Variants in SPATA1 observed in about 807,000 individuals in gnomAD.
The protein encoded by SPATA1 is spermatogenesis-associated protein 1.
Under a neutral mutation model 59.6 loss-of-function variants are expected in SPATA1, and 57 were observed. The observed-to-expected ratio is 0.96, with a 90% CI of 0.77 to 1.19. SPATA1 has a LOEUF of 1.19. SPATA1 is among the 50% of genes most tolerant of loss of function. The pLI is 0.00. For synonymous variants in SPATA1, 147 were observed against 163.9 expected (o/e 0.90, Z 0.79); for missense variants, 448 against 480.7 (o/e 0.93, Z 0.64).
At chr1:84,527,834 A>G (rs1051384888) in intron 6 of SPATA1, among the ~76,000 whole-genome samples, 2 of 152,152 alleles carry the variant, frequency 1.3e-5, no homozygotes, top group African/African-American at 4.8e-5. Flanking sequence ...GGTTCAAGCA[A>G]ATCTCCTGCC....
At chr1:84,536,688 C>T (rs988807900) in intron 8 of SPATA1, among the ~76,000 whole-genome samples, 1 of 152,094 alleles carries the variant, frequency 6.6e-6, no homozygotes, top group East Asian at 1.9e-4. Flanking sequence ...TCGTGATCCG[C>T]CCGCCTCGGC....
At chr1:84,512,074 G>C (rs1203679750) in intron 1 of SPATA1, among the ~76,000 whole-genome samples, 1 of 152,150 alleles carries the variant, frequency 6.6e-6, no homozygotes, top group Non-Finnish European at 1.5e-5. Context: ...ACCAGATAAA[G>C]CAGAACTCCC....
At chr1:84,526,020 C>T (rs1178051404) in exon 6 of SPATA1, 1 of 1,613,134 alleles carries the variant, frequency 6.2e-7, no homozygotes, top group Non-Finnish European at 8.5e-7. Flanking sequence ...GGAAGAGATC[C>T]CAGTTTGTTA....
rs1683208549 is a variant in SPATA1 at position 84,526,029 on chromosome 1, T to A, written c.500T>A (p.Leu167Ter). ...GAACTTGGAAGAGATCCCAGTTTGT[T>A]AGAAAACACTTTGAAAGAGCTTCCT... Residue 167 changes from leucine (L) to a stop codon, truncating the protein, a stop_gained, in exon 6 of 13, where the codon TTA becomes TAA. Coordinates refer to ENST00000490879, the Ensembl canonical transcript of SPATA1. LOFTEE classifies it high-confidence loss of function. The A allele has an allele frequency of 2.5e-6, 4 of 1,612,876 alleles. No homozygotes were observed. The highest frequency in any genetic ancestry group is 1.7e-6 in the Non-Finnish European group (2 of 1,179,400).
intron 6 of SPATA1, among the ~76,000 whole-genome samples, chr1:84,530,336 T>C (rs916894685): frequency 2.0e-5 from 3 of 152,114 alleles, no homozygotes; most frequent in African/African-American, 7.2e-5. Context: ...GTGGGGTTAG[T>C]TCAGTAATTT....
chr1:84,541,407 C>T (rs1373118929), intron 8 of SPATA1, among the ~76,000 whole-genome samples: 2 of 151,258 alleles, frequency 1.3e-5, no homozygotes, highest in African/African-American at 4.9e-5. Context: ...CCATTTTACT[C>T]TTTTCATTAT....
chr1:84,537,157 C>T (rs757294278), intron 8 of SPATA1, among the ~76,000 whole-genome samples: 9 of 151,956 alleles, frequency 5.9e-5, no homozygotes, highest in Non-Finnish European at 1.3e-4. Flanking sequence ...AAATTACAGG[C>T]GTGAGCCACC....
chr1:84,524,437 T>C (rs750266616), intron 4 of SPATA1, among the ~76,000 whole-genome samples: 20 of 152,280 alleles, frequency 1.3e-4, no homozygotes, highest in Middle Eastern at 3.4e-3. Flanking sequence ...GTAAAATTAA[T>C]TGGGCCTCAC....
chr1:84,550,851 C>G, intron 12 of SPATA1: 3 of 992,104 alleles, frequency 3.0e-6, no homozygotes, highest in Non-Finnish European at 3.6e-6. Flanking sequence ...ATTATTAAGT[C>G]TGATAAACCA....
intron 4 of SPATA1, among the ~76,000 whole-genome samples, chr1:84,560,413 A>G (rs1040859430): frequency 1.3e-5 from 2 of 152,228 alleles, no homozygotes; most frequent in African/African-American, 2.4e-5. Context: ...TGTTTGCATT[A>G]GCTCATGCCC....
chr1:84,529,125 ATAT>A (rs548394863), intron 6 of SPATA1, among the ~76,000 whole-genome samples: 21 of 152,206 alleles, frequency 1.4e-4, no homozygotes, highest in African/African-American at 4.3e-4. Flanking sequence ...TTCCCATTCA[ATAT>A]TATTATTCTT....
At chr1:84,523,141 G>C (rs1311714467) in intron 4 of SPATA1, among the ~76,000 whole-genome samples, 1 of 152,046 alleles carries the variant, frequency 6.6e-6, no homozygotes, top group Admixed American at 6.6e-5. Flanking sequence ...CTGACTTCAG[G>C]TGATCTCCCT....
At chr1:84,550,462 C>A in exon 12 of SPATA1, 1 of 1,562,948 alleles carries the variant, frequency 6.4e-7, no homozygotes, top group Non-Finnish European at 8.7e-7. Context: ...CACTGAGGTA[C>A]AGCATGCAAT....
downstream of SPATA1, among the ~76,000 whole-genome samples, chr1:84,558,098 A>G (rs1361640392): frequency 6.6e-6 from 1 of 152,186 alleles, no homozygotes; most frequent in Non-Finnish European, 1.5e-5. Context: ...ATCCCGTGGT[A>G]ACTATAGTTA....
At chr1:84,514,864 G>A (rs1682726355) in intron 1 of SPATA1, among the ~76,000 whole-genome samples, 1 of 152,100 alleles carries the variant, frequency 6.6e-6, no homozygotes, top group Non-Finnish European at 1.5e-5. Context: ...TCAGCTACTT[G>A]GGAGGCTGAG....
At chr1:84,515,632 T>C (rs1004749856) in intron 1 of SPATA1, among the ~76,000 whole-genome samples, 35 of 152,084 alleles carry the variant, frequency 2.3e-4, no homozygotes, top group Admixed American at 1.3e-4. Context: ...CTTATATACA[T>C]TATATATTTT....
intron 4 of SPATA1, chr1:84,563,260 A>G (rs754345843): frequency 6.6e-7 from 1 of 1,504,384 alleles, no homozygotes; most frequent in Non-Finnish European, 8.9e-7. Context: ...GTCTTACTTT[A>G]TAGTTATAAT....
intron 8 of SPATA1, among the ~76,000 whole-genome samples, chr1:84,541,875 T>C (rs1683918314): frequency 6.6e-6 from 1 of 152,216 alleles, no homozygotes. Context: ...GGTGGCTTAC[T>C]GTGTTTCTTA....
intron 8 of SPATA1, among the ~76,000 whole-genome samples, chr1:84,535,714 T>G (rs1036075311): frequency 6.8e-6 from 1 of 147,704 alleles, no homozygotes; most frequent in Non-Finnish European, 1.5e-5. Context: ...TTCTATCAGG[T>G]TTTTTTTTTG....
Sources: allele counts gnomAD v4.1 joint callset (sites outside exome capture counted in the v4.1 genomes callset), GRCh38; gene constraint gnomAD v4.1.1; transcripts MANE v1.5; gene names NCBI Gene and HGNC (gene_info 2026-07-23, HGNC 2026-07-21).